The following NAALADL2 variants were observed in gnomAD, a reference collection of about 807,000 sequenced individuals.
NAALADL2 encodes the protein inactive N-acetylated-alpha-linked acidic dipeptidase-like protein 2.
Under a neutral mutation model 87.2 loss-of-function variants are expected in NAALADL2, and 76 were observed. That is an observed-to-expected ratio of 0.87 (90% CI 0.72 to 1.05). The LOEUF (loss-of-function observed/expected upper bound fraction) is 1.05, where lower values mean the gene tolerates loss of function less well. NAALADL2 is among the 50% of genes least tolerant of loss of function. NAALADL2 has a pLI of 0.00. For synonymous variants in NAALADL2, 354 were observed against 331.0 expected, an observed-to-expected ratio of 1.07 and a Z score of -0.75; for missense variants, 1,089 against 945.8, an observed-to-expected ratio of 1.15 and a Z score of -1.99.
intron 3 of NAALADL2, among the ~76,000 whole-genome samples, chr3:174,778,751 A>T (rs1578888607): frequency 2.0e-5 from 3 of 152,174 alleles, no homozygotes; most frequent in African/African-American, 7.2e-5. Context: ...TTCCTGTGTT[A>T]GTTTGCTGAA....
chr3:175,345,672 C>T (rs1763079769), intron 5 of NAALADL2, among the ~76,000 whole-genome samples: 1 of 152,090 alleles, frequency 6.6e-6, no homozygotes, highest in Non-Finnish European at 1.5e-5. Flanking sequence ...GAAATGGTAG[C>T]ATGGTCTATT....
chr3:174,834,662 A>C (rs977432931), intron 3 of NAALADL2, among the ~76,000 whole-genome samples: 1 of 152,044 alleles, frequency 6.6e-6, no homozygotes, highest in Non-Finnish European at 1.5e-5. Flanking sequence ...GTAAAATACT[A>C]TTAAAAACAA....
intron 1 of NAALADL2, among the ~76,000 whole-genome samples, chr3:174,987,827 T>TATATATATATATATATATATAAAA (rs1222203525): frequency 1.0e-4 from 13 of 130,560 alleles, no homozygotes; most frequent in African/African-American, 4.8e-4. Flanking sequence ...TATATATATA[T>TATATATATATATATATATATAAAA]AATGAGACCT....
intron 11 of NAALADL2, among the ~76,000 whole-genome samples, chr3:175,665,309 T>TA (rs1329442454): frequency 1.3e-5 from 2 of 152,226 alleles, no homozygotes; most frequent in Non-Finnish European, 2.9e-5. Flanking sequence ...GAGTATCTTT[T>TA]AAAATATATT....
chr3:175,583,421 G>A (rs1209082472), intron 10 of NAALADL2, among the ~76,000 whole-genome samples: 1 of 150,880 alleles, frequency 6.6e-6, no homozygotes, highest in African/African-American at 2.4e-5. Context: ...ACATAAGCTT[G>A]TGAATCGTGA....
chr3:174,472,589 A>T (rs1716971543), intron 1 of NAALADL2, among the ~76,000 whole-genome samples: 1 of 152,188 alleles, frequency 6.6e-6, no homozygotes, highest in Admixed American at 6.5e-5. Flanking sequence ...ATGTTATTTC[A>T]TCAAGTGTGA....
intron 2 of NAALADL2, among the ~76,000 whole-genome samples, chr3:175,218,307 G>T (rs1580977695): frequency 6.6e-6 from 1 of 152,050 alleles, no homozygotes; most frequent in African/African-American, 2.4e-5. Context: ...TGTCTAAAAT[G>T]CTTCACAATA....
Position 175,285,034 on chromosome 3 carries a change from G to A in NAALADL2, c.939+28504G>A, listed in dbSNP as rs377499355. On this transcript the variant is annotated intron_variant, in intron 4 of 13. Coordinates refer to ENST00000454872, the MANE Select transcript of NAALADL2 (RefSeq NM_207015.3). ...TGGGATACTTTGCCTCCCATATTAT[G>A]TGCACCTTTATGGATGGCATAAATT... Among the ~76,000 whole-genome samples, 4 of 152,148 alleles carry A rather than the reference G, an allele frequency of 2.6e-5. No individual in the cohort carries two copies. In the East Asian group the frequency reaches 5.8e-4, roughly 22 times the overall value.
intron 11 of NAALADL2, among the ~76,000 whole-genome samples, chr3:175,669,835 G>A (rs1733691612): frequency 6.6e-6 from 1 of 151,822 alleles, no homozygotes; most frequent in South Asian, 2.1e-4. Context: ...TTCATTATCA[G>A]AAATAGTAAT....
chr3:175,658,200 G>T (rs186303519), intron 11 of NAALADL2, among the ~76,000 whole-genome samples: 330 of 152,044 alleles, frequency 2.2e-3, no homozygotes, highest in Non-Finnish European at 2.5e-3. Flanking sequence ...TGTTTTTCAC[G>T]TATGCATTTC....
At chr3:175,562,734 T>C (rs115149713) in intron 9 of NAALADL2, among the ~76,000 whole-genome samples, 1,818 of 152,124 alleles carry the variant, frequency 0.012, 37 homozygotes, top group African/African-American at 0.041. Flanking sequence ...TATGTAATGA[T>C]TATTCTATGA....
chr3:175,435,957 G>A (rs1166584434), intron 5 of NAALADL2, among the ~76,000 whole-genome samples: 4 of 143,836 alleles, frequency 2.8e-5, no homozygotes, highest in Non-Finnish European at 4.5e-5. Flanking sequence ...CCACTAACTC[G>A]TCATCTAGCA....
rs538280129 is a variant in NAALADL2 at position 174,884,799 on chromosome 3, C to T, written c.43+25349C>T. Among the ~76,000 whole-genome samples, 6 of 152,220 alleles carry T rather than the reference C, an allele frequency of 3.9e-5. No homozygotes were observed. In the East Asian group the frequency reaches 5.8e-4, roughly 15 times the overall value. On this transcript the variant is annotated intron_variant, in intron 1 of 13. Transcript: ENST00000454872. The stretch of plus-strand genomic sequence containing the variant: ...ATTAGAAAACTCAAGCAGTTCTTTT[C>T]GAGTATAGCACACCTCCTCAGAGGT...
chr3:175,740,442 G>T (rs1745072805), intron 12 of NAALADL2, among the ~76,000 whole-genome samples: 2 of 152,158 alleles, frequency 1.3e-5, no homozygotes, highest in Non-Finnish European at 1.5e-5. Context: ...GGAAAATGAG[G>T]CTGGGACTTG....
chr3:174,971,622 C>T (rs1332005527), intron 1 of NAALADL2, among the ~76,000 whole-genome samples: 1 of 151,398 alleles, frequency 6.6e-6, no homozygotes, highest in Non-Finnish European at 1.5e-5. Flanking sequence ...CTTGTACCTT[C>T]CCTTTTTTAG....
At chr3:175,687,285 T>A (rs1415610327) in intron 11 of NAALADL2, among the ~76,000 whole-genome samples, 1 of 152,210 alleles carries the variant, frequency 6.6e-6, no homozygotes, top group East Asian at 1.9e-4. Context: ...ATATAGATTA[T>A]GAAGACATTT....
chr3:174,588,423 G>A (rs533374912), intron 2 of NAALADL2, among the ~76,000 whole-genome samples: 2 of 152,326 alleles, frequency 1.3e-5, no homozygotes, highest in East Asian at 3.9e-4. Flanking sequence ...CTGGTGAGGA[G>A]CTGCGTTCCT....
At chr3:175,077,774 T>C (rs6805897) in intron 1 of NAALADL2, among the ~76,000 whole-genome samples, 14,903 of 152,132 alleles carry the variant, frequency 0.098, 845 homozygotes, top group East Asian at 0.21. Flanking sequence ...TTTAAAAATA[T>C]AATCATTATG....
intron 4 of NAALADL2, among the ~76,000 whole-genome samples, chr3:175,258,318 CA>C (rs370515179): frequency 7.1e-5 from 9 of 126,866 alleles, no homozygotes; most frequent in Middle Eastern, 4.0e-3. Flanking sequence ...CCTCCGCCCC[CA>C]CCACCAAAAA....
Sources: allele counts gnomAD v4.1 joint callset (sites outside exome capture counted in the v4.1 genomes callset), GRCh38; gene constraint gnomAD v4.1.1; transcripts MANE v1.5; gene names NCBI Gene and HGNC (gene_info 2026-07-23, HGNC 2026-07-21).